MAGI3: variants seen among roughly 807,000 people sequenced by gnomAD.
MAGI3 encodes the protein membrane associated guanylate kinase, WW and PDZ domain containing 3.
MAGI3 carries 43 observed loss-of-function variants against 121.8 expected under a neutral mutation model. The ratio of observed to expected loss-of-function variants is 0.35; its 90% CI spans 0.28 to 0.46. The LOEUF (loss-of-function observed/expected upper bound fraction) is 0.46, where lower values mean the gene tolerates loss of function less well. Ranked by LOEUF, MAGI3 falls within the 20% of genes least tolerant of loss-of-function variation. The probability of loss-of-function intolerance (pLI) is 1.00; values close to 1 mark genes in which losing one functional copy is unlikely to be tolerated. For synonymous variants in MAGI3, 553 were observed against 639.3 expected (o/e 0.86, Z 2.04); for missense variants, 1,547 against 1,797.3 (o/e 0.86, Z 2.52).
At chr1:113,640,091 A>G (rs1244958884) in intron 9 of MAGI3, among the ~76,000 whole-genome samples, 1 of 152,240 alleles carries the variant, frequency 6.6e-6, no homozygotes. Context: ...ATACTTCTCA[A>G]AAAAAGACAA....
chr1:113,428,344 T>TC (rs1653124042), intron 1 of MAGI3, among the ~76,000 whole-genome samples: 1 of 152,226 alleles, frequency 6.6e-6, no homozygotes, highest in African/African-American at 2.4e-5. Flanking sequence ...ATTCATTTTT[T>TC]CCCCATATGG....
rs764799607 is a variant in MAGI3, at chr1:113,673,382, C to T, written c.3106C>T (p.Arg1036Ter). Reference protein sequence around the residue: ...RGPRGFGFSLRGGKEYNMGLF... With the variant: ...RGPRGFGFSL ...CCCCCGGGGCTTTGGATTCAGCCTC[C>T]GAGGGGGGAAGGAGTACAACATGGG... Residue 1036 changes from arginine to a stop codon, truncating the protein, a stop_gained, in exon 19 of 21, where the codon CGA becomes TGA. Coordinates refer to ENST00000307546, the MANE Select transcript of MAGI3 (RefSeq NM_001142782.2). LOFTEE classifies it high-confidence loss of function. 1.9e-6 allele frequency: 3 copies of T among 1,612,064 alleles called. No individual in the cohort carries two copies. The highest frequency in any genetic ancestry group is 1.7e-5 in the Admixed American group (1 of 59,612).
intron 2 of MAGI3, among the ~76,000 whole-genome samples, chr1:113,550,263 A>T (rs1321564704): frequency 6.6e-6 from 1 of 151,104 alleles, no homozygotes. Context: ...ACAAAAAAAA[A>T]AAAATTAGCC....
chr1:113,525,870 C>T (rs187401454), intron 1 of MAGI3, among the ~76,000 whole-genome samples: 90 of 152,012 alleles, frequency 5.9e-4, no homozygotes, highest in African/African-American at 1.8e-3. Flanking sequence ...GATGTGGTGG[C>T]GCATGCCTGT....
At chr1:113,440,856 T>A (rs1653875978) in intron 1 of MAGI3, among the ~76,000 whole-genome samples, 1 of 152,202 alleles carries the variant, frequency 6.6e-6, no homozygotes, top group African/African-American at 2.4e-5. Context: ...ACATAAAGAC[T>A]AAGAGTAGCT....
rs553181244 is a variant in MAGI3 at position 113,555,576 on chromosome 1, A to G, written c.433+5945A>G. On this transcript the variant is annotated intron_variant, in intron 2 of 20. Transcript: ENST00000307546. Reference sequence around the variant, plus strand: ...TAGACCATATTCTGCACCACAAAACAAGAACTGATAGATTTAAGAGGATTT... The same window carrying G: ...TAGACCATATTCTGCACCACAAAACGAGAACTGATAGATTTAAGAGGATTT... Among the ~76,000 whole-genome samples the G allele has an allele frequency of 3.9e-5, 6 of 152,312 alleles. No individual in the cohort carries two copies. The East Asian group carries it at 7.7e-4, about 20-fold the overall frequency.
intron 15 of MAGI3, among the ~76,000 whole-genome samples, chr1:113,655,987 A>G (rs1653448100): frequency 6.6e-6 from 1 of 152,216 alleles, no homozygotes; most frequent in Non-Finnish European, 1.5e-5. Flanking sequence ...ATCAATACTT[A>G]ATAATGAGAT....
At chr1:113,682,194 T>C in intron 20 of MAGI3, 1 of 1,603,650 alleles carries the variant, frequency 6.2e-7, no homozygotes, top group Non-Finnish European at 8.5e-7. Context: ...TCCTAGGCTT[T>C]TTCTCTTCCC....
intron 1 of MAGI3, among the ~76,000 whole-genome samples, chr1:113,529,125 TA>T (rs1254706415): frequency 6.6e-6 from 1 of 152,108 alleles, no homozygotes; most frequent in Admixed American, 6.5e-5. Context: ...TTTGTACATC[TA>T]CCCTCTACCT....
chr1:113,577,613 G>C (rs1314684385), intron 2 of MAGI3, among the ~76,000 whole-genome samples: 2 of 152,066 alleles, frequency 1.3e-5, no homozygotes, highest in East Asian at 1.9e-4. Flanking sequence ...ATGGTTTTGT[G>C]GGGGGAGTGA....
chr1:113,682,784 C>T (rs1648295736), intron 20 of MAGI3, 113 bp from the exon 21 acceptor site: 1 of 1,443,186 alleles, frequency 6.9e-7, no homozygotes, highest in Non-Finnish European at 9.1e-7. Context: ...GTATAAAATA[C>T]TCAGGCTTTT....
At chr1:113,676,697 TAA>T (rs1276773188) in intron 19 of MAGI3, among the ~76,000 whole-genome samples, 5 of 152,144 alleles carry the variant, frequency 3.3e-5, no homozygotes, top group Non-Finnish European at 7.3e-5. Flanking sequence ...GTCCAAATGA[TAA>T]GAGTTTATCT....
intron 1 of MAGI3, among the ~76,000 whole-genome samples, chr1:113,414,411 T>G (rs1276642184): frequency 1.3e-5 from 2 of 152,182 alleles, no homozygotes; most frequent in Non-Finnish European, 2.9e-5. Context: ...TTAGGGAGGA[T>G]TCCCTCTTTT....
chr1:113,421,549 G>T (rs1652733893), intron 1 of MAGI3, among the ~76,000 whole-genome samples: 1 of 152,070 alleles, frequency 6.6e-6, no homozygotes, highest in African/African-American at 2.4e-5. Context: ...TTCTGTGATT[G>T]TGTCTTTTTA....
At chr1:113,393,279 ACTGTT>A (rs1337263069) in intron 1 of MAGI3, among the ~76,000 whole-genome samples, 1 of 152,220 alleles carries the variant, frequency 6.6e-6, no homozygotes, top group African/African-American at 2.4e-5. Context: ...AGCCACAGAC[ACTGTT>A]CTATTTTAAA....
chr1:113,484,365 C>T (rs1656248582), intron 1 of MAGI3, among the ~76,000 whole-genome samples: 1 of 152,098 alleles, frequency 6.6e-6, no homozygotes, highest in Non-Finnish European at 1.5e-5. Context: ...GCAGTGTACA[C>T]TGTACCCAGT....
intron 6 of MAGI3, among the ~76,000 whole-genome samples, chr1:113,604,565 C>CAAAAAAAAAAAAAAAAAAAAA (rs59047770): frequency 1.6e-5 from 1 of 61,990 alleles, no homozygotes; most frequent in African/African-American, 6.7e-5. Flanking sequence ...GTCTCCATCT[C>CAAAAAAAAAAAAAAAAAAAAA]AAAAAAAAAA....
intron 16 of MAGI3, among the ~76,000 whole-genome samples, chr1:113,666,758 A>G (rs895764243): frequency 2.6e-5 from 4 of 152,208 alleles, no homozygotes; most frequent in Non-Finnish European, 5.9e-5. Flanking sequence ...AAAAATCACT[A>G]TCTGTGGCAG....
At chr1:113,599,946 T>A (rs1044764696) in intron 6 of MAGI3, among the ~76,000 whole-genome samples, 6 of 152,082 alleles carry the variant, frequency 3.9e-5, no homozygotes, top group African/African-American at 1.4e-4. Context: ...TAATCCAGCA[T>A]ATAAACAGAA....
Sources: allele counts gnomAD v4.1 joint callset (sites outside exome capture counted in the v4.1 genomes callset), GRCh38; gene constraint gnomAD v4.1.1; transcripts MANE v1.5; gene names NCBI Gene and HGNC (gene_info 2026-07-23, HGNC 2026-07-21).